The following OTUD7A variants were observed in gnomAD, a reference collection of about 807,000 sequenced individuals.
OTUD7A encodes the protein OTU deubiquitinase 7A.
Under a neutral mutation model 65.7 loss-of-function variants are expected in OTUD7A, and 12 were observed. The observed-to-expected ratio is 0.18, with a 90% CI of 0.12 to 0.30. The LOEUF (loss-of-function observed/expected upper bound fraction) is 0.30. OTUD7A is among the 10% of genes least tolerant of loss of function. The pLI, the probability that OTUD7A is intolerant of heterozygous loss-of-function variation, is 1.00. For missense variants in OTUD7A, 1,148 were observed against 1,304.8 expected, an observed-to-expected ratio of 0.88 and a Z score of 1.85; for synonymous variants, 641 against 586.3, an observed-to-expected ratio of 1.09 and a Z score of -1.35.
At chr15:31,639,568 C>T (rs1891450899) in intron 3 of OTUD7A, among the ~76,000 whole-genome samples, 1 of 150,724 alleles carries the variant, frequency 6.6e-6, no homozygotes, top group African/African-American at 2.5e-5. Context: ...AGGTACATGT[C>T]TAATTTTGAA....
intron 1 of OTUD7A, among the ~76,000 whole-genome samples, chr15:31,824,037 G>A (rs11629521): frequency 0.32 from 48,409 of 152,026 alleles, 8,403 homozygotes; most frequent in South Asian, 0.56. Flanking sequence ...TTAGGTAGGC[G>A]AAAAGACGAA....
chr15:31,852,045 G>C (rs982048804), intron 1 of OTUD7A, among the ~76,000 whole-genome samples: 2 of 152,188 alleles, frequency 1.3e-5, no homozygotes, highest in African/African-American at 4.8e-5. Flanking sequence ...TTTTAGTAGA[G>C]ACGGGGTTTC....
chr15:31,796,610 G>A (rs576516691), intron 1 of OTUD7A, among the ~76,000 whole-genome samples: 11 of 152,276 alleles, frequency 7.2e-5, no homozygotes, highest in East Asian at 3.9e-4. Context: ...TTTAATCACC[G>A]TGATTGTTAC....
At chr15:31,641,372 A>G (rs1384394423) in intron 3 of OTUD7A, among the ~76,000 whole-genome samples, 1 of 152,192 alleles carries the variant, frequency 6.6e-6, no homozygotes, top group Non-Finnish European at 1.5e-5. Flanking sequence ...GTGAGAACAA[A>G]TATGCTTTCT....
chr15:31,524,728 G>A (rs1291756786), intron 8 of OTUD7A, among the ~76,000 whole-genome samples: 1 of 152,166 alleles, frequency 6.6e-6, no homozygotes, highest in Non-Finnish European at 1.5e-5. Context: ...GCTCCCAGGG[G>A]CAGGGGACCA....
intron 1 of OTUD7A, among the ~76,000 whole-genome samples, chr15:31,670,346 G>T (rs1317346943): frequency 1.3e-5 from 2 of 152,204 alleles, no homozygotes; most frequent in African/African-American, 4.8e-5. Context: ...GGTCTTTGAG[G>T]AATCGCCACA....
intron 1 of OTUD7A, among the ~76,000 whole-genome samples, chr15:31,826,163 G>A (rs928651163): frequency 4.1e-4 from 63 of 152,230 alleles, no homozygotes; most frequent in Non-Finnish European, 4.0e-4. Context: ...GTGGGGCTCC[G>A]ACCCCACATT....
intron 1 of OTUD7A, among the ~76,000 whole-genome samples, chr15:31,759,495 C>T (rs1361782878): frequency 6.6e-6 from 1 of 152,198 alleles, no homozygotes; most frequent in African/African-American, 2.4e-5. Context: ...CTTTAACTGC[C>T]TCACCTAATA....
intron 3 of OTUD7A, among the ~76,000 whole-genome samples, chr15:31,628,753 T>A (rs1018139689): frequency 3.3e-5 from 5 of 152,182 alleles, no homozygotes; most frequent in African/African-American, 1.2e-4. Context: ...TTTGTTTGTA[T>A]CCTCTTTAAT....
At chr15:31,800,721 A>T (rs1215315247) in intron 1 of OTUD7A, among the ~76,000 whole-genome samples, 1 of 152,184 alleles carries the variant, frequency 6.6e-6, no homozygotes, top group African/African-American at 2.4e-5. Context: ...AGACGCAGGG[A>T]AGGTGATACT....
chr15:31,745,709 CT>C (rs1165098275), intron 1 of OTUD7A, among the ~76,000 whole-genome samples: 1 of 152,100 alleles, frequency 6.6e-6, no homozygotes, highest in East Asian at 1.9e-4. Context: ...AACATAAAAA[CT>C]TCAACTCACT....
At chr15:31,535,224 G>C (rs1887757491) in intron 5 of OTUD7A, among the ~76,000 whole-genome samples, 1 of 152,186 alleles carries the variant, frequency 6.6e-6, no homozygotes, top group Non-Finnish European at 1.5e-5. Context: ...AGATCATGGA[G>C]GCGGTTTCCC....
At chr15:31,790,644 C>T (rs528180076) in intron 1 of OTUD7A, among the ~76,000 whole-genome samples, 2 of 152,322 alleles carry the variant, frequency 1.3e-5, no homozygotes, top group South Asian at 4.1e-4. Context: ...TGGCCTGTGA[C>T]CTGGTTCTGC....
chr15:31,529,293 A>G (rs2042055660), intron 6 of OTUD7A, among the ~76,000 whole-genome samples: 1 of 152,240 alleles, frequency 6.6e-6, no homozygotes, highest in Non-Finnish European at 1.5e-5. Flanking sequence ...GTTATCCACT[A>G]TGATAAAATA....
intron 3 of OTUD7A, among the ~76,000 whole-genome samples, chr15:31,610,617 A>ATATATATTTTTT: frequency 1.0e-3 from 32 of 30,562 alleles, no homozygotes; most frequent in African/African-American, 2.0e-3. Context: ...ATATATATAT[A>ATATATATTTTTT]TTTTTTTTTT....
At chr15:31,634,744 G>C (rs1278726213) in intron 3 of OTUD7A, among the ~76,000 whole-genome samples, 1 of 152,260 alleles carries the variant, frequency 6.6e-6, no homozygotes. Flanking sequence ...GCTTCACAGA[G>C]CAGGGGCTGC....
Position 31,501,396 on chromosome 15 carries a change from A to G in OTUD7A, c.1171+294T>C, listed in dbSNP as rs921644745. On this transcript the variant is annotated intron_variant, in intron 10 of 12. Coordinates refer to ENST00000307050, the MANE Select transcript of OTUD7A (RefSeq NM_001382637.1). ...TTAATTTATATCTAAGACTAATTGC[A>G]TTCCTATAAAATATGTATACATGTG... Among the ~76,000 whole-genome samples the G allele has an allele frequency of 5.9e-5, 9 of 152,362 alleles. 1 individual carries two copies. Among genetic ancestry groups the G allele is most frequent in the Admixed American group, 5.9e-4 (9 of 15,302 alleles).
At chr15:31,577,250 T>C (rs1479547446) in intron 3 of OTUD7A, among the ~76,000 whole-genome samples, 1 of 152,156 alleles carries the variant, frequency 6.6e-6, no homozygotes, top group Non-Finnish European at 1.5e-5. Context: ...GTCTGACACG[T>C]TGTAAGGTCT....
rs1393476193 is a variant in OTUD7A at position 31,753,686 on chromosome 15, GATATATATATATATATTAT to G, written c.-99-96628_-99-96610del. Among the ~76,000 whole-genome samples the G allele has an allele frequency of 8.7e-4, 46 of 52,782 alleles. 2 individuals carry two copies. Among genetic ancestry groups the G allele is most frequent in the Middle Eastern group, 8.6e-3 (1 of 116 alleles). 34.6% of individuals were successfully genotyped at this position (52,782 alleles called of 152,430 possible). ...TCATATATATATATATAACCTGTGA[GATATATATATATATATTAT>G]ATATATATATATATATTATATATAT... On this transcript the variant is annotated intron_variant, in intron 1 of 12. Coordinates refer to ENST00000307050, the MANE Select transcript of OTUD7A (RefSeq NM_001382637.1).
Sources: allele counts gnomAD v4.1 joint callset (sites outside exome capture counted in the v4.1 genomes callset), GRCh38; gene constraint gnomAD v4.1.1; transcripts MANE v1.5; gene names NCBI Gene and HGNC (gene_info 2026-07-23, HGNC 2026-07-21).